The following CYP24A1 variants were observed in gnomAD, a reference collection of about 807,000 sequenced individuals.
The protein encoded by CYP24A1 is 1,25-dihydroxyvitamin D(3) 24-hydroxylase, mitochondrial.
A neutral mutation model predicts 62.4 loss-of-function variants in CYP24A1; 68 were observed. The observed-to-expected ratio is 1.09, with a 90% confidence interval of 0.90 to 1.33. The LOEUF (loss-of-function observed/expected upper bound fraction) is 1.33. Among genes scored for constraint, CYP24A1 ranks in the 40% most tolerant of loss-of-function variants. CYP24A1 has a pLI of 0.00. For missense variants in CYP24A1, 787 were observed against 653.0 expected (o/e 1.21, Z -2.24); for synonymous variants, 267 against 253.0 (o/e 1.06, Z -0.52).
intron 4 of CYP24A1, 135 bp downstream of exon 4, chr20:54,169,457 A>C (rs2092686073): frequency 6.5e-7 from 1 of 1,535,338 alleles, no homozygotes; most frequent in Non-Finnish European, 8.7e-7. Flanking sequence ...CACCTAAAAG[A>C]AGCATTAAAA....
At position 54,157,249 on chromosome 20, in the gene CYP24A1, G is replaced by A. The variant is rs1476424483; in HGVS notation, c.1475C>T (p.Pro492Leu). Residue 492 changes from proline (P) to leucine (L), a missense_variant, in exon 11 of 12, where the codon CCT (proline) becomes CTT (leucine). Transcript: ENST00000216862. ...KYDIQATDNE[P>L]VEMLHSGTLV... Reference sequence around the variant, plus strand: ...GGTGCCTGAGTGTAGCATCTCAACAGGCTCATTGTCTGTGGCCTGGATGTC... The same window carrying A: ...GGTGCCTGAGTGTAGCATCTCAACAAGCTCATTGTCTGTGGCCTGGATGTC... 1.9e-6 allele frequency: 3 copies of A among 1,613,314 alleles called. No homozygotes were observed. The highest frequency in any genetic ancestry group is 2.5e-6 in the Non-Finnish European group (3 of 1,179,428).
chr20:54,149,533 A>G (rs1208469924), downstream of CYP24A1, among the ~76,000 whole-genome samples: 1 of 152,124 alleles, frequency 6.6e-6, no homozygotes, highest in Non-Finnish European at 1.5e-5. Flanking sequence ...AAATAAAAAG[A>G]GAGAAAGGAA....
chr20:54,144,134 C>G, the CYP24A1 span, among the ~76,000 whole-genome samples: 1 of 152,082 alleles, frequency 6.6e-6, no homozygotes, highest in African/African-American at 2.4e-5. Context: ...CTTAGAAGTA[C>G]CTTGCTCAGG....
At position 54,173,171 on chromosome 20, in the gene CYP24A1, C is replaced by T. The variant is rs533685368; in HGVS notation, c.259-72G>A. ...GTGCCCGAAGCGCTTTCCCTCCTCC[C>T]GCCTCCTTCCTCCTAGGGGACCGGG... On this transcript the variant is annotated intron_variant, in intron 1 of 11. Coordinates refer to ENST00000216862, the MANE Select transcript of CYP24A1 (RefSeq NM_000782.5). This position sits in a 1 kb window ranked among gnomAD's most constrained non-coding sequence, Gnocchi z 7.2. The T allele has an allele frequency of 1.0e-4, 161 of 1,562,090 alleles. No homozygotes were observed. Among genetic ancestry groups the T allele is most frequent in the Admixed American group, 3.0e-4 (18 of 59,204 alleles).
chr20:54,173,747 C>T lies in CYP24A1; in HGVS notation c.-168G>A, dbSNP rs1002174624. On this transcript the variant is annotated 5_prime_UTR_variant, in exon 1 of 12. Transcript: ENST00000216862. The surrounding 1 kb of genome is among the most constrained non-coding windows in gnomAD (Gnocchi z 7.2). Reference sequence around the variant, plus strand: ...GCGGGACAGGCAGCAGAAAGGACCTCGGCGAGGATGCTCGACGCTGCACCA... The same window carrying T: ...GCGGGACAGGCAGCAGAAAGGACCTTGGCGAGGATGCTCGACGCTGCACCA... 31 of 611,748 alleles carry T rather than the reference C, an allele frequency of 5.1e-5. No homozygotes were observed. Among genetic ancestry groups the T allele is most frequent in the Non-Finnish European group, 7.6e-5 (26 of 344,198 alleles). The allele number at this position is 611,748 out of a possible 1,614,324, so 37.9% of individuals were successfully genotyped here.
Position 54,157,529 on chromosome 20 carries a change from A to C in CYP24A1, c.1293T>G (p.Asp431Glu). ...AACGTTCAGGTCTAAACTGACTTGA[A>C]TCTTCAAAATTGTCTTCACTGGATC... ...VLGSSEDNFEDSSQFRPERWL... is the reference protein window; with the variant it reads ...VLGSSEDNFEESSQFRPERWL... Residue 431 changes from aspartate to glutamate, a missense_variant, in exon 10 of 12, where the codon GAT becomes GAG. By Grantham distance (45) the Asp-to-Glu change is conservative. Coordinates refer to ENST00000216862, the MANE Select transcript of CYP24A1 (RefSeq NM_000782.5). The C allele has an allele frequency of 6.2e-7, 1 of 1,605,774 alleles. No individual in the cohort carries two copies. The highest frequency in any genetic ancestry group is 8.5e-7 in the Non-Finnish European group (1 of 1,172,364).
At chr20:54,161,616 G>A (rs1246139775) in intron 7 of CYP24A1, among the ~76,000 whole-genome samples, 4 of 151,712 alleles carry the variant, frequency 2.6e-5, no homozygotes, top group Admixed American at 6.6e-5. Context: ...CTATGTCCTG[G>A]AAACACAGCA....
At chr20:54,162,453 A>G in intron 7 of CYP24A1, 1 of 264,996 alleles carries the variant, frequency 3.8e-6, no homozygotes, top group Non-Finnish European at 6.6e-6. Flanking sequence ...GGGCACATGA[A>G]GTCTCCTCCT....
Position 54,167,076 on chromosome 20 carries a change from A to C in CYP24A1, c.641-1243T>G, listed in dbSNP as rs992950274. 5.3e-5 allele frequency among the ~76,000 whole-genome samples: 8 copies of C among 152,132 alleles called. No homozygotes were observed. In the East Asian group the frequency reaches 9.6e-4, roughly 18 times the overall value. ...ACAGGATTACTGCAACCAACTTTTT[A>C]GTGGTGGATAATTGGCTCTTGACTT... On this transcript the variant is annotated intron_variant, in intron 4 of 11. Transcript: ENST00000216862.
At chr20:54,152,004 C>T (rs925896808), downstream of CYP24A1, among the ~76,000 whole-genome samples, 1 of 152,182 alleles carries the variant, frequency 6.6e-6, no homozygotes, top group Non-Finnish European at 1.5e-5. Context: ...ATATTATTAT[C>T]ATCATGACCA....
intron 7 of CYP24A1, among the ~76,000 whole-genome samples, chr20:54,160,818 G>A (rs3787553): frequency 0.21 from 31,351 of 152,114 alleles, 3,699 homozygotes; most frequent in East Asian, 0.6. Context: ...GCCACGTAAG[G>A]CAGTCTGAGC....
In CYP24A1 at chr20:54,162,802, A is replaced by C; in HGVS notation, c.905T>G (p.Leu302Arg). 1 of 1,554,394 alleles carries C rather than the reference A, an allele frequency of 6.4e-7. No individual in the cohort carries two copies. The highest frequency in any genetic ancestry group is 1.1e-5 in the South Asian group (1 of 89,878). ...KYSQQPSADF[L>R]CDIYHQNRLS... is the part of the protein sequence containing the mutation. ...CCGATTCTGGTGATAAATGTCACAA[A>C]GGAAATCTGCACTAGGCTGCTGAGA... Residue 302 changes from leucine (L) to arginine (R), a missense_variant, in exon 7 of 12, where the codon CTT (leucine) becomes CGT (arginine). Physicochemically the swap from Leu to Arg is moderately radical, Grantham distance 102 (BLOSUM62 -2). Transcript: ENST00000216862.
In CYP24A1 at chr20:54,169,663, A is replaced by G; in HGVS notation, c.569T>C (p.Ile190Thr). 6.2e-7 allele frequency: 1 copy of G among 1,614,206 alleles called. No homozygotes were observed. Among genetic ancestry groups the G allele is most frequent in the Non-Finnish European group, 8.5e-7 (1 of 1,180,026 alleles). ...GCCTCTTTCATCACAGAGCTCATCT[A>G]TTCTGCCCATAAAATCGGCCAAGAC... Reference protein sequence around the residue: ...NEVLADFMGRIDELCDERGHV... With the variant: ...NEVLADFMGRTDELCDERGHV... The change falls in exon 4 of 12, where the codon ATA becomes ACA. Residue 190 changes from isoleucine to threonine, a missense_variant. Coordinates refer to ENST00000216862, the MANE Select transcript of CYP24A1 (RefSeq NM_000782.5).
chr20:54,156,743 A>G (rs2092629320), intron 11 of CYP24A1, among the ~76,000 whole-genome samples: 2 of 152,226 alleles, frequency 1.3e-5, no homozygotes, highest in Non-Finnish European at 2.9e-5. Flanking sequence ...TCATTAGTTT[A>G]CAAATTGCCT....
At chr20:54,151,434 C>T (rs913180420), downstream of CYP24A1, among the ~76,000 whole-genome samples, 5 of 151,652 alleles carry the variant, frequency 3.3e-5, no homozygotes, top group African/African-American at 7.3e-5. Context: ...GGAGGTTTTA[C>T]CCTAAATACT....
At chr20:54,151,284 C>T (rs563521050), downstream of CYP24A1, among the ~76,000 whole-genome samples, 22 of 152,248 alleles carry the variant, frequency 1.4e-4, no homozygotes, top group East Asian at 1.2e-3. Flanking sequence ...ACTGTCCTGG[C>T]GCTGGTGGGA....
At chr20:54,169,395 A>G (rs2092685910) in intron 4 of CYP24A1, among the ~76,000 whole-genome samples, 197 bp downstream of exon 4, 1 of 152,192 alleles carries the variant, frequency 6.6e-6, no homozygotes, top group African/African-American at 2.4e-5. Flanking sequence ...GTATTCAACA[A>G]ATGTTTGTTG....
At chr20:54,155,639 A>T (rs558832087) in intron 11 of CYP24A1, among the ~76,000 whole-genome samples, 2 of 151,448 alleles carry the variant, frequency 1.3e-5, no homozygotes, top group South Asian at 4.2e-4. Flanking sequence ...CGGGAGGCTG[A>T]GGCAGAAGAA....
At chr20:54,155,203 C>T (rs1356908238) in intron 11 of CYP24A1, among the ~76,000 whole-genome samples, 2 of 152,102 alleles carry the variant, frequency 1.3e-5, no homozygotes, top group Non-Finnish European at 2.9e-5. Context: ...TTCATAATAG[C>T]ATCAGACACT....
Sources: allele counts gnomAD v4.1 joint callset (sites outside exome capture counted in the v4.1 genomes callset), GRCh38; gene constraint gnomAD v4.1.1; non-coding constraint Gnocchi (gnomAD v3.1); transcripts MANE v1.5; gene names NCBI Gene and HGNC (gene_info 2026-07-23, HGNC 2026-07-21).